Variants in SNX19 observed in about 807,000 individuals in gnomAD.
SNX19 encodes sorting nexin-19.
SNX19 carries 60 observed loss-of-function variants against 85.2 expected under a neutral mutation model. That is an observed-to-expected ratio of 0.70 (90% CI 0.57 to 0.87). The LOEUF is 0.87. Ranked by LOEUF, SNX19 falls within the 40% of genes least tolerant of loss-of-function variation. The probability of loss-of-function intolerance (pLI) is 0.00; values close to 1 mark genes in which losing one functional copy is unlikely to be tolerated. For missense variants in SNX19, 1,201 were observed against 1,217.8 expected, an observed-to-expected ratio of 0.99 and a Z score of 0.21; for synonymous variants, 520 against 470.0, an observed-to-expected ratio of 1.11 and a Z score of -1.38.
In SNX19 at chr11:130,914,498, G is replaced by A. The variant is rs1331156140; in HGVS notation, c.1442C>T (p.Ser481Leu). ...ATTGGTGAGATCCTTCTCTAAGCAT[G>A]ACGGCCGTGAGGGGCAGGTCTTTTC... is the stretch of plus-strand genomic sequence containing the variant. ...GPEKTCPSRP[S>L]CLEKDLTNDV... The change falls in exon 1 of 11, where the codon TCA becomes TTA. Residue 481 changes from serine (S) to leucine (L), a missense_variant. Around this residue, in one of 3 missense-constraint regions of SNX19, gnomAD observed 791 missense variants for 750.9 expected, o/e 1.05. Transcript: ENST00000265909. The A allele has an allele frequency of 3.1e-6, 5 of 1,613,822 alleles. No individual in the cohort carries two copies. The highest frequency in any genetic ancestry group is 2.7e-5 in the African/African-American group (2 of 74,920).
At chr11:130,913,308 T>C (rs1222253629) in intron 1 of SNX19, among the ~76,000 whole-genome samples, 1 of 152,252 alleles carries the variant, frequency 6.6e-6, no homozygotes, top group Non-Finnish European at 1.5e-5. Flanking sequence ...ACCAGTCCTT[T>C]GAGGCTAGTC....
Position 130,903,358 on chromosome 11 carries a change from C to A in SNX19, c.2470G>T (p.Ala824Ser). 1.2e-6 allele frequency: 2 copies of A among 1,612,850 alleles called. No homozygotes were observed. Among genetic ancestry groups the A allele is most frequent in the Non-Finnish European group, 8.5e-7 (1 of 1,179,866 alleles). ...AGTAGCAAGAGGAGCAGATCCAGGG[C>A]TGTGTCAGCTAACTCTGTCTCTGTT... ...PGTETELADT[A>S]LDLLLLLLTE... The change falls in exon 8 of 11, where the codon GCC becomes TCC. Residue 824 changes from alanine (A) to serine (S), a missense_variant. Around this residue, in one of 3 missense-constraint regions of SNX19, gnomAD observed 285 missense variants for 295.3 expected, o/e 0.97. Coordinates refer to ENST00000265909, the MANE Select transcript of SNX19 (RefSeq NM_014758.3).
intron 8 of SNX19, among the ~76,000 whole-genome samples, chr11:130,884,023 G>T (rs1943876775): frequency 6.6e-6 from 1 of 152,120 alleles, no homozygotes; most frequent in Non-Finnish European, 1.5e-5. Context: ...ACTTTGCCTT[G>T]CCCAACACCT....
rs1251569536 is a variant in SNX19, at chr11:130,867,844, G to C, written c.*10578C>G. 2 of 152,168 alleles carry C rather than the reference G, an allele frequency of 1.3e-5. No homozygotes were observed. The highest frequency in any genetic ancestry group is 2.9e-5 in the Non-Finnish European group (2 of 68,038). 9.4% of individuals were successfully genotyped at this position (152,168 alleles called of 1,614,324 possible). ...TGTATGGAAGAAACTGAGGTCCAGG[G>C]AAGTGAAGAGATCGGTCCAAGATCA... On this transcript the variant is annotated 3_prime_UTR_variant, in exon 11 of 11. Coordinates refer to ENST00000265909, the MANE Select transcript of SNX19 (RefSeq NM_014758.3).
chr11:130,903,118 T>C, intron 8 of SNX19, 137 bp downstream of exon 8: 1 of 1,271,338 alleles, frequency 7.9e-7, no homozygotes, highest in Non-Finnish European at 1.1e-6. Context: ...TCTCAAGGCA[T>C]TTTTCATCCC....
rs1942953174 is a variant in SNX19 at position 130,869,937 on chromosome 11, A to T, written c.*8485T>A. On this transcript the variant is annotated 3_prime_UTR_variant, in exon 11 of 11. Transcript: ENST00000265909. ...AAAAAAAAAGGAATAAAGAAAAAGCAATTGTGAAGTTCCATAAGAATAGGA... is the reference window on the plus strand; with the variant it reads ...AAAAAAAAAGGAATAAAGAAAAAGCTATTGTGAAGTTCCATAAGAATAGGA... 1 of 146,500 alleles carries T rather than the reference A, an allele frequency of 6.8e-6. No homozygotes were observed. The highest frequency in any genetic ancestry group is 1.5e-5 in the Non-Finnish European group (1 of 67,602). 9.1% of individuals were successfully genotyped at this position (146,500 alleles called of 1,614,324 possible).
intron 8 of SNX19, among the ~76,000 whole-genome samples, chr11:130,891,448 C>G (rs1485342197): frequency 6.6e-6 from 1 of 152,174 alleles, no homozygotes; most frequent in Non-Finnish European, 1.5e-5. Context: ...AGGAGAGAGA[C>G]AGCTGCCAGT....
chr11:130,869,866 G>A lies in SNX19; in HGVS notation c.*8556C>T, dbSNP rs1942947572. 3 of 151,676 alleles carry A rather than the reference G, an allele frequency of 2.0e-5. No individual in the cohort carries two copies. In the South Asian group the frequency reaches 6.2e-4, roughly 31 times the overall value. 9.4% of individuals were successfully genotyped at this position (151,676 alleles called of 1,614,324 possible). A position where few individuals can be genotyped will look rare whatever the true frequency, so the allele number is the denominator to read the frequency against. On this transcript the variant is annotated 3_prime_UTR_variant, in exon 11 of 11. Coordinates refer to ENST00000265909, the MANE Select transcript of SNX19 (RefSeq NM_014758.3). ...AACTATCAAAAAGGCAATTAGATTA[G>A]TGGGGTAGCCAAGTCACCCACAAAG...
chr11:130,880,112 G>T (rs1372176150), intron 9 of SNX19, among the ~76,000 whole-genome samples: 1 of 152,152 alleles, frequency 6.6e-6, no homozygotes, highest in Non-Finnish European at 1.5e-5. Flanking sequence ...AAAACACAAT[G>T]CAAGGAAAAA....
In SNX19 at chr11:130,877,463, A is replaced by G. The variant is rs906627224; in HGVS notation, c.*959T>C. On this transcript the variant is annotated 3_prime_UTR_variant, in exon 11 of 11. Coordinates refer to ENST00000265909, the MANE Select transcript of SNX19 (RefSeq NM_014758.3). ...GAATAATAAAAGTTCTCTGTCAAAGACTTAGGAAGGGAGATTTCATCCCCC... is the reference window on the plus strand; with the variant it reads ...GAATAATAAAAGTTCTCTGTCAAAGGCTTAGGAAGGGAGATTTCATCCCCC... The G allele has an allele frequency of 1.3e-5, 2 of 152,204 alleles. No homozygotes were observed. The highest frequency in any genetic ancestry group is 4.8e-5 in the African/African-American group (2 of 41,454). The allele number at this position is 152,204 out of a possible 1,614,324, so 9.4% of individuals were successfully genotyped here. A position where few individuals can be genotyped will look rare whatever the true frequency, so the allele number is the denominator to read the frequency against.
At position 130,867,165 on chromosome 11, in the gene SNX19, C is replaced by T. The variant is rs950285013; in HGVS notation, c.*11257G>A. On this transcript the variant is annotated 3_prime_UTR_variant, in exon 11 of 11. Coordinates refer to ENST00000265909, the MANE Select transcript of SNX19 (RefSeq NM_014758.3). ...TCCTGGGCAAAAGACAAGCTCTCTG[C>T]ATTTCAGTTTCCTCTTCAGTAAAAT... The T allele has an allele frequency of 2.6e-5, 4 of 152,208 alleles. No homozygotes were observed. Among genetic ancestry groups the T allele is most frequent in the African/African-American group, 9.6e-5 (4 of 41,454 alleles). The allele number at this position is 152,208 out of a possible 1,614,324, so 9.4% of individuals were successfully genotyped here.
intron 9 of SNX19, 42 bp downstream of exon 9, chr11:130,880,580 G>T: frequency 6.6e-7 from 1 of 1,512,568 alleles, no homozygotes; most frequent in South Asian, 1.3e-5. Context: ...CAGAATGGAA[G>T]AGAAATGTGA....
At chr11:130,890,979 G>A (rs6590522) in intron 8 of SNX19, among the ~76,000 whole-genome samples, 90,238 of 150,416 alleles carry the variant, frequency 0.6, 27,432 homozygotes, top group South Asian at 0.73. Context: ...GTGAATTCAT[G>A]CTGTATATGG....
Position 130,893,394 on chromosome 11 carries a change from G to A in SNX19, c.2573+9861C>T, listed in dbSNP as rs958197113. Among the ~76,000 whole-genome samples the A allele has an allele frequency of 2.0e-5, 3 of 152,238 alleles. No homozygotes were observed. The South Asian group carries it at 6.2e-4, about 32-fold the overall frequency. ...GAGGCTGGAAAAGACCAGCCTTGAG[G>A]AGAATAAAGAATACATATATGAGAA... On this transcript the variant is annotated intron_variant, in intron 8 of 10. Coordinates refer to ENST00000265909, the MANE Select transcript of SNX19 (RefSeq NM_014758.3).
intron 4 of SNX19, among the ~76,000 whole-genome samples, chr11:130,909,609 T>C (rs1375421077): frequency 1.3e-5 from 2 of 152,144 alleles, no homozygotes; most frequent in African/African-American, 2.4e-5. Context: ...CCACTCTAAA[T>C]CCAGCCTCAG....
At chr11:130,913,082 T>C (rs1361270084) in intron 1 of SNX19, among the ~76,000 whole-genome samples, 1 of 152,034 alleles carries the variant, frequency 6.6e-6, no homozygotes, top group African/African-American at 2.4e-5. Flanking sequence ...AAAGAACAAA[T>C]AATGGGAGAA....
intron 8 of SNX19, chr11:130,892,634 A>G (rs10736589): frequency 0.6 from 90,908 of 151,940 alleles, 27,615 homozygotes; most frequent in South Asian, 0.73. Context: ...TACTGAAACC[A>G]GTAAAGCATT....
At chr11:130,905,613 G>A (rs1945603941) in intron 7 of SNX19, 2 of 1,396,894 alleles carry the variant, frequency 1.4e-6, no homozygotes, top group Non-Finnish European at 9.4e-7. Context: ...AGGAAACTGA[G>A]ACACTAAGGG....
chr11:130,885,108 A>T (rs1943966453), intron 8 of SNX19, among the ~76,000 whole-genome samples: 2 of 152,102 alleles, frequency 1.3e-5, no homozygotes, highest in Admixed American at 6.5e-5. Flanking sequence ...AAAGAACCCA[A>T]ACCAGGTCTC....
Sources: gnomAD v4.1 joint callset for allele counts (sites outside exome capture counted in the v4.1 genomes callset) on GRCh38, gnomAD v4.1.1 for gene constraint, gnomAD v4.1.1 regional missense constraint, MANE v1.5 for transcripts, NCBI Gene and HGNC (gene_info 2026-07-23, HGNC 2026-07-21) for gene names.